TSNARE1: variants seen among roughly 807,000 people sequenced by gnomAD.
The protein encoded by TSNARE1 is t-SNARE domain-containing protein 1.
In TSNARE1, 49 loss-of-function variants were observed where a neutral mutation model predicts 62.0. That is an observed-to-expected ratio of 0.79 (90% CI 0.63 to 1.00). The LOEUF (loss-of-function observed/expected upper bound fraction) is 1.00. Among genes scored for constraint, TSNARE1 ranks in the 50% least tolerant of loss-of-function variants. TSNARE1 has a pLI of 0.00. For synonymous variants in TSNARE1, 328 were observed against 294.4 expected, an observed-to-expected ratio of 1.11 and a Z score of -1.17; for missense variants, 755 against 700.1, an observed-to-expected ratio of 1.08 and a Z score of -0.88.
intron 2 of TSNARE1, among the ~76,000 whole-genome samples, chr8:142,353,493 T>C (rs867543035): frequency 1.3e-5 from 2 of 152,128 alleles, no homozygotes; most frequent in Admixed American, 6.5e-5. Context: ...GATGGCAAGA[T>C]GAGGAGGGGC....
chr8:142,378,075 C>T (rs567727380), intron 1 of TSNARE1, among the ~76,000 whole-genome samples: 1 of 152,204 alleles, frequency 6.6e-6, no homozygotes, highest in African/African-American at 2.4e-5. Flanking sequence ...GCCACTGACA[C>T]CCCCAAGCAC....
intron 9 of TSNARE1, among the ~76,000 whole-genome samples, chr8:142,302,772 TG>T (rs1256736041): frequency 1.3e-5 from 2 of 152,024 alleles, no homozygotes; most frequent in African/African-American, 4.8e-5. Context: ...GTGCAATGTG[TG>T]GAACTGACTG....
intron 11 of TSNARE1, chr8:142,277,319 C>G (rs1308230846): frequency 1.0e-6 from 1 of 985,286 alleles, no homozygotes; most frequent in Admixed American, 6.1e-5. Context: ...CCCAGACACT[C>G]GCAGAGCAGC....
intron 12 of TSNARE1, among the ~76,000 whole-genome samples, chr8:142,268,908 G>C (rs1300622168): frequency 6.6e-6 from 1 of 152,236 alleles, no homozygotes; most frequent in African/African-American, 2.4e-5. Flanking sequence ...TGACGTAGGG[G>C]CCATGACGCC....
intron 12 of TSNARE1, chr8:142,271,282 C>T (rs1819510822): frequency 9.4e-7 from 1 of 1,065,238 alleles, no homozygotes; most frequent in Non-Finnish European, 1.1e-6. Flanking sequence ...GGTTGAGGGC[C>T]TCCACGCCAT....
rs370155813 is a variant in TSNARE1, at chr8:142,330,851, C to A, written c.893+50G>T. ...AGGACCACACTCCCGCCCCTGCCCC[C>A]CAATGTGCACCACGCCCAGGCAAAG... On this transcript the variant is annotated intron_variant, in intron 6 of 13. Transcript: ENST00000524325. 618 of 1,595,396 alleles carry A rather than the reference C, an allele frequency of 3.9e-4. 5 individuals are homozygous for A. The Middle Eastern group carries it at 4.6e-3, about 12-fold the overall frequency.
In TSNARE1 at chr8:142,354,707, G is replaced by A. The variant is rs149430361; in HGVS notation, c.18C>T (p.Ile6=). The A allele has an allele frequency of 5.5e-5, 89 of 1,613,368 alleles. No homozygotes were observed. The highest frequency in any genetic ancestry group is 4.1e-4 in the African/African-American group (31 of 74,844). Residue 6 remains isoleucine (I), a synonymous_variant, in exon 2 of 14, where the codon ATC becomes ATT. Coordinates refer to ENST00000524325, the MANE Select transcript of TSNARE1 (RefSeq NM_145003.5). MSYGS[I]ARGGGLGSRG... is the part of the protein sequence containing the mutation. ...GGCTCCCCAGGCCACCTCCACGGGC[G>A]ATGGATCCGTATGACATCTTCTTAC... is the stretch of plus-strand genomic sequence containing the variant.
intron 12 of TSNARE1, among the ~76,000 whole-genome samples, chr8:142,252,234 G>A (rs901293135): frequency 4.7e-4 from 72 of 152,350 alleles, no homozygotes; most frequent in African/African-American, 1.6e-3. Context: ...GCTGTCAAGA[G>A]GTAAACAGAC....
chr8:142,217,507 AG>A (rs1313042647), intron 13 of TSNARE1, among the ~76,000 whole-genome samples: 2 of 152,330 alleles, frequency 1.3e-5, no homozygotes, highest in East Asian at 3.9e-4. Flanking sequence ...GCCAGCAGGC[AG>A]GCAGGGGCAG....
At chr8:142,365,629 CACACAGAG>C (rs747626406) in intron 1 of TSNARE1, among the ~76,000 whole-genome samples, 69 of 147,548 alleles carry the variant, frequency 4.7e-4, no homozygotes, top group East Asian at 4.2e-3. Context: ...CACACACACA[CACACAGAG>C]AGAGAGAGGG....
chr8:142,374,945 G>A (rs1451783173), intron 1 of TSNARE1, among the ~76,000 whole-genome samples: 3 of 152,140 alleles, frequency 2.0e-5, no homozygotes, highest in Non-Finnish European at 4.4e-5. Flanking sequence ...CCAGGGACCC[G>A]GCGCCAGGCA....
At chr8:142,275,905 C>T in intron 11 of TSNARE1, 2 of 985,400 alleles carry the variant, frequency 2.0e-6, no homozygotes, top group South Asian at 9.4e-5. Flanking sequence ...GGCCACTCCC[C>T]ACCGTCCCAG....
intron 1 of TSNARE1, among the ~76,000 whole-genome samples, chr8:142,375,722 G>A (rs1371700345): frequency 3.6e-4 from 55 of 152,242 alleles, no homozygotes; most frequent in Admixed American, 3.6e-3. Context: ...GCACTCAGCT[G>A]CTGGGCCAAA....
At chr8:142,282,894 A>G (rs1821861808) in intron 11 of TSNARE1, among the ~76,000 whole-genome samples, 1 of 138,812 alleles carries the variant, frequency 7.2e-6, no homozygotes, top group Non-Finnish European at 1.6e-5. Context: ...GTCAATGAGC[A>G]GAGGCGGGGC....
intron 12 of TSNARE1, among the ~76,000 whole-genome samples, chr8:142,233,684 GC>G (rs539915052): frequency 4.6e-5 from 7 of 152,164 alleles, no homozygotes; most frequent in Non-Finnish European, 1.0e-4. Context: ...TCTGCCTCTT[GC>G]CCCCAGCGGG....
intron 12 of TSNARE1, among the ~76,000 whole-genome samples, chr8:142,261,162 GAGGAGAGAGGGAAGGATGTGGGAGGA>G (rs1818865797): frequency 1.6e-5 from 2 of 121,692 alleles, no homozygotes; most frequent in African/African-American, 6.5e-5. Flanking sequence ...AGAAGGGAGG[GAGGAGAGAGGGAAGGATGTGGGAGGA>G]AGGAGAGAGG....
At chr8:142,396,203 C>A (rs1837884122) in intron 1 of TSNARE1, among the ~76,000 whole-genome samples, 1 of 152,062 alleles carries the variant, frequency 6.6e-6, no homozygotes, top group South Asian at 2.1e-4. Flanking sequence ...CCTCAGATGA[C>A]ACCCAGGGTC....
chr8:142,222,896 T>C (rs1448659895), intron 13 of TSNARE1, among the ~76,000 whole-genome samples: 21 of 133,060 alleles, frequency 1.6e-4, no homozygotes, highest in African/African-American at 4.2e-4. Flanking sequence ...ACTCACTCAT[T>C]CACTTACTCA....
intron 10 of TSNARE1, among the ~76,000 whole-genome samples, chr8:142,293,710 T>C (rs1824199058): frequency 1.3e-5 from 2 of 152,338 alleles, no homozygotes; most frequent in South Asian, 2.1e-4. Context: ...CAGACAGCTC[T>C]GGCCACCTCG....
Sources: gnomAD v4.1 joint callset for allele counts (sites outside exome capture counted in the v4.1 genomes callset) on GRCh38, gnomAD v4.1.1 for gene constraint, MANE v1.5 for transcripts, NCBI Gene and HGNC (gene_info 2026-07-23, HGNC 2026-07-21) for gene names.